CPNE4: variants seen among roughly 807,000 people sequenced by gnomAD.
CPNE4 encodes copine-4.
Under a neutral mutation model 67.9 loss-of-function variants are expected in CPNE4, and 25 were observed. That is an observed-to-expected ratio of 0.37 (90% CI 0.27 to 0.51). CPNE4 has a LOEUF of 0.51. Ranked by LOEUF, CPNE4 falls within the 20% of genes least tolerant of loss-of-function variation. The pLI, the probability that CPNE4 is intolerant of heterozygous loss-of-function variation, is 0.93. For synonymous variants in CPNE4, 242 were observed against 244.9 expected (o/e 0.99, Z 0.11); for missense variants, 464 against 690.8 (o/e 0.67, Z 3.68).
intron 1 of CPNE4, among the ~76,000 whole-genome samples, chr3:131,921,757 T>C (rs775792925): frequency 2.0e-5 from 3 of 152,110 alleles, no homozygotes; most frequent in Non-Finnish European, 4.4e-5. Flanking sequence ...ATTATGTTAC[T>C]AGGGTTAATA....
At chr3:132,022,068 T>C (rs1436322944) in intron 1 of CPNE4, among the ~76,000 whole-genome samples, 2 of 152,228 alleles carry the variant, frequency 1.3e-5, no homozygotes, top group African/African-American at 4.8e-5. Flanking sequence ...CCATTTCTGC[T>C]GAAGACAGCA....
intron 2 of CPNE4, among the ~76,000 whole-genome samples, chr3:131,860,888 T>A (rs2086650914): frequency 6.6e-6 from 1 of 152,172 alleles, no homozygotes; most frequent in Non-Finnish European, 1.5e-5. Context: ...TTGTCTTTAA[T>A]CTCTGAGAAA....
At chr3:131,728,040 A>G (rs1198750544) in intron 2 of CPNE4, among the ~76,000 whole-genome samples, 1 of 152,190 alleles carries the variant, frequency 6.6e-6, no homozygotes, top group African/African-American at 2.4e-5. Flanking sequence ...TTGTATGGGC[A>G]TGTATTTCCT....
chr3:131,542,561 T>C lies in CPNE4; in HGVS notation c.1535A>G (p.Lys512Arg), dbSNP rs981343941. 6.2e-7 allele frequency: 1 copy of C among 1,612,210 alleles called. No individual in the cohort carries two copies. Among genetic ancestry groups the C allele is most frequent in the African/African-American group, 1.3e-5 (1 of 74,960 alleles). ...CCCCAATGTGTATATGCATACGTGT[T>C]TGAAGTTCCTGAAGGGCACGAACTG... Reference protein sequence around the residue: ...IVQFVPFRNFKHASPAALAKS... With the variant: ...IVQFVPFRNFRHASPAALAKS... The change falls in exon 15 of 16, where the codon AAA becomes AGA. Residue 512 changes from lysine (K) to arginine (R), a missense_variant. This residue lies in a region of CPNE4 where 201 missense variants were observed against 357.7 expected (regional missense o/e 0.56). Coordinates refer to ENST00000429747, the MANE Select transcript of CPNE4 (RefSeq NM_130808.3).
chr3:131,904,624 C>A (rs1176298332), intron 2 of CPNE4, among the ~76,000 whole-genome samples: 1 of 152,018 alleles, frequency 6.6e-6, no homozygotes, highest in African/African-American at 2.4e-5. Flanking sequence ...GGCCAGTTAC[C>A]CTGGATAGTA....
intron 2 of CPNE4, among the ~76,000 whole-genome samples, chr3:131,879,019 T>G (rs2087563448): frequency 6.6e-6 from 1 of 152,252 alleles, no homozygotes; most frequent in South Asian, 2.1e-4. Flanking sequence ...AAAGTACAAC[T>G]GACGCTGTCT....
chr3:131,900,581 T>A (rs1188345193), intron 2 of CPNE4, among the ~76,000 whole-genome samples: 1 of 152,132 alleles, frequency 6.6e-6, no homozygotes, highest in Admixed American at 6.6e-5. Flanking sequence ...CCCAGCTCTC[T>A]GTCTCTAAGA....
At chr3:131,821,436 C>A (rs10934982) in intron 2 of CPNE4, among the ~76,000 whole-genome samples, 129,659 of 152,186 alleles carry the variant, frequency 0.85, 55,923 homozygotes, top group East Asian at 1. Flanking sequence ...GATGCTGTCC[C>A]TTCTGCTGAT....
At chr3:131,773,792 AT>A (rs770205812) in intron 2 of CPNE4, among the ~76,000 whole-genome samples, 2 of 152,082 alleles carry the variant, frequency 1.3e-5, no homozygotes, top group East Asian at 1.9e-4. Context: ...TTGGGTCTTG[AT>A]TTTTAATAAC....
chr3:131,823,473 C>T (rs80113453), intron 2 of CPNE4, among the ~76,000 whole-genome samples: 106 of 152,308 alleles, frequency 7.0e-4, no homozygotes, highest in African/African-American at 2.4e-3. Flanking sequence ...ATCCCATCAC[C>T]ACAAGTTGAT....
intron 2 of CPNE4, among the ~76,000 whole-genome samples, chr3:131,895,563 T>TTTAA (rs34429644): frequency 0.65 from 97,724 of 150,702 alleles, 31,786 homozygotes; most frequent in Admixed American, 0.73. Context: ...GTTAATTTTA[T>TTTAA]TTTTTTTGTT....
intron 7 of CPNE4, among the ~76,000 whole-genome samples, chr3:131,598,820 T>C (rs1177975023): frequency 6.7e-6 from 1 of 148,374 alleles, no homozygotes; most frequent in Non-Finnish European, 1.5e-5. Context: ...TTCTCTTTGA[T>C]AATAGACACT....
At chr3:131,549,843 G>A (rs1936074700) in intron 14 of CPNE4, 104 bp downstream of exon 14, 3 of 1,310,046 alleles carry the variant, frequency 2.3e-6, no homozygotes, top group Admixed American at 3.8e-5. Context: ...ATTCACACAG[G>A]GAGAAGTGTT....
At chr3:131,681,075 C>T (rs2107673110) in intron 6 of CPNE4, among the ~76,000 whole-genome samples, 1 of 152,304 alleles carries the variant, frequency 6.6e-6, no homozygotes, top group South Asian at 2.1e-4. Flanking sequence ...GACTGATAGA[C>T]ATTTGGGCTG....
intron 2 of CPNE4, among the ~76,000 whole-genome samples, chr3:131,724,395 C>T (rs570950991): frequency 7.2e-5 from 11 of 152,174 alleles, no homozygotes; most frequent in African/African-American, 2.6e-4. Flanking sequence ...CTATGATTTC[C>T]TTTGTCTTCT....
intron 2 of CPNE4, among the ~76,000 whole-genome samples, chr3:131,778,199 T>A (rs952696545): frequency 9.2e-5 from 14 of 152,136 alleles, no homozygotes; most frequent in Non-Finnish European, 1.8e-4. Flanking sequence ...CTATTTCTAT[T>A]CTTCTGCCCT....
intron 2 of CPNE4, among the ~76,000 whole-genome samples, chr3:131,858,936 G>A (rs952617674): frequency 2.6e-5 from 4 of 152,168 alleles, no homozygotes; most frequent in African/African-American, 7.2e-5. Flanking sequence ...AAAGAGTAAT[G>A]TCTGGACTCT....
Position 131,535,427 on chromosome 3 carries a change from T to C in CPNE4, c.1540-98A>G. 1.0e-5 allele frequency: 12 copies of C among 1,199,124 alleles called. No homozygotes were observed. In the South Asian group the frequency reaches 2.0e-4, roughly 20 times the overall value. 74.3% of individuals were successfully genotyped at this position (1,199,124 alleles called of 1,614,324 possible). ...TCCTGCTCTGGGCAGCTAAGTTTCATTCACTTTCATTCATTCGTTATTTGT... is the reference window on the plus strand; with the variant it reads ...TCCTGCTCTGGGCAGCTAAGTTTCACTCACTTTCATTCATTCGTTATTTGT... On this transcript the variant is annotated intron_variant, in intron 15 of 15. Transcript: ENST00000429747.
intron 7 of CPNE4, among the ~76,000 whole-genome samples, chr3:131,636,796 T>C (rs1328680983): frequency 6.6e-6 from 1 of 152,188 alleles, no homozygotes; most frequent in African/African-American, 2.4e-5. Context: ...TTCTCTCCCC[T>C]GCTACCTCCA....
Sources: allele counts gnomAD v4.1 joint callset (sites outside exome capture counted in the v4.1 genomes callset), GRCh38; gene constraint gnomAD v4.1.1; regional missense constraint gnomAD v4.1.1; transcripts MANE v1.5; gene names NCBI Gene and HGNC (gene_info 2026-07-23, HGNC 2026-07-21).